The following NIBAN1 variants were observed in gnomAD, a reference collection of about 807,000 sequenced individuals.
NIBAN1 encodes protein Niban 1.
Under a neutral mutation model 75.1 loss-of-function variants are expected in NIBAN1, and 81 were observed. The ratio of observed to expected loss-of-function variants is 1.08; its 90% confidence interval spans 0.90 to 1.30. NIBAN1 has a LOEUF of 1.30. Among genes scored for constraint, NIBAN1 ranks in the 50% most tolerant of loss-of-function variants. NIBAN1 has a pLI of 0.00. For missense variants in NIBAN1, 1,133 were observed against 1,128.1 expected, an observed-to-expected ratio of 1.00 and a Z score of -0.06; for synonymous variants, 436 against 424.8, an observed-to-expected ratio of 1.03 and a Z score of -0.32.
intron 1 of NIBAN1, among the ~76,000 whole-genome samples, chr1:184,949,319 C>T (rs1557927236): frequency 6.6e-6 from 1 of 152,192 alleles, no homozygotes; most frequent in Non-Finnish European, 1.5e-5. Context: ...GATTGCACCA[C>T]TGCACTACAG....
At chr1:184,881,785 G>T (rs1656386054) in intron 5 of NIBAN1, among the ~76,000 whole-genome samples, 1 of 152,172 alleles carries the variant, frequency 6.6e-6, no homozygotes, top group Non-Finnish European at 1.5e-5. Context: ...TGGTGGGAGT[G>T]TAGCAGTGAG....
At chr1:184,804,303 G>C (rs889008544) in intron 11 of NIBAN1, among the ~76,000 whole-genome samples, 1 of 152,216 alleles carries the variant, frequency 6.6e-6, no homozygotes, top group African/African-American at 2.4e-5. Context: ...GTCAGGCCAA[G>C]TGAAGAATAG....
chr1:184,916,938 A>G (rs1657400085), intron 1 of NIBAN1, among the ~76,000 whole-genome samples: 1 of 152,092 alleles, frequency 6.6e-6, no homozygotes, highest in African/African-American at 2.4e-5. Context: ...CAGGACTCAT[A>G]GTTGATTCAC....
intron 12 of NIBAN1, among the ~76,000 whole-genome samples, chr1:184,798,956 C>T (rs904741207): frequency 1.3e-5 from 2 of 152,028 alleles, no homozygotes; most frequent in Non-Finnish European, 2.9e-5. Context: ...TATGGATAAA[C>T]AAAAATTGTT....
At chr1:184,894,277 T>C in intron 2 of NIBAN1, 71 bp from the exon 3 acceptor site, 1 of 1,454,904 alleles carries the variant, frequency 6.9e-7, no homozygotes, top group Non-Finnish European at 9.1e-7. Flanking sequence ...AAGTTATCCA[T>C]GCTATTTCAA....
Position 184,795,652 on chromosome 1 carries a change from A to G in NIBAN1, c.2112T>C (p.Thr704=). 1.2e-6 allele frequency: 2 copies of G among 1,614,214 alleles called. No individual in the cohort carries two copies. The highest frequency in any genetic ancestry group is 1.7e-6 in the Non-Finnish European group (2 of 1,180,036). ...TGAGCGCCTTCAAAGAACCCGAGGC[A>G]GTGATGGGTTCTGGCTCTTCCTGGG... ...EPAQEEPEPI[T]ASGSLKALRK... is the part of the protein sequence containing the mutation. The change falls in exon 14 of 14, where the codon ACT becomes ACC. Residue 704 remains threonine, a synonymous_variant. Transcript: ENST00000367511.
intron 1 of NIBAN1, among the ~76,000 whole-genome samples, chr1:184,935,844 C>T: frequency 6.7e-6 from 1 of 149,526 alleles, no homozygotes. Context: ...CAATCCTTTT[C>T]CAGGAACCTA....
At chr1:184,900,528 G>A (rs1019300059) in intron 1 of NIBAN1, among the ~76,000 whole-genome samples, 7 of 152,184 alleles carry the variant, frequency 4.6e-5, no homozygotes, top group Non-Finnish European at 8.8e-5. Flanking sequence ...TCTCAGCACC[G>A]AAAGTAAATC....
At chr1:184,826,461 C>A (rs1654843797) in intron 6 of NIBAN1, among the ~76,000 whole-genome samples, 1 of 152,168 alleles carries the variant, frequency 6.6e-6, no homozygotes, top group Admixed American at 6.5e-5. Context: ...AATTAATAAT[C>A]CACCAGCCCA....
At chr1:184,968,976 A>G (rs562112061) in intron 1 of NIBAN1, among the ~76,000 whole-genome samples, 141 of 152,298 alleles carry the variant, frequency 9.3e-4, no homozygotes, top group Non-Finnish European at 1.8e-3. Flanking sequence ...CATGGTTACA[A>G]TCCAGCCAGC....
intron 5 of NIBAN1, among the ~76,000 whole-genome samples, chr1:184,874,483 G>A (rs774639382): frequency 6.6e-6 from 1 of 151,700 alleles, no homozygotes; most frequent in Non-Finnish European, 1.5e-5. Flanking sequence ...AGCATTAATA[G>A]CAATAAAATG....
chr1:184,969,508 A>G (rs189665299), intron 1 of NIBAN1, among the ~76,000 whole-genome samples: 11 of 152,260 alleles, frequency 7.2e-5, no homozygotes, highest in Non-Finnish European at 1.3e-4. Context: ...GTCGCCTAGA[A>G]GCAGGTGGCA....
At chr1:184,887,275 A>G (rs780577166) in intron 4 of NIBAN1, among the ~76,000 whole-genome samples, 12 of 152,204 alleles carry the variant, frequency 7.9e-5, no homozygotes, top group African/African-American at 2.4e-4. Context: ...GACCTAGCAC[A>G]ATGCTGGGAA....
chr1:184,908,423 G>A (rs1557909877), intron 1 of NIBAN1, among the ~76,000 whole-genome samples: 1 of 152,122 alleles, frequency 6.6e-6, no homozygotes, highest in South Asian at 2.1e-4. Context: ...AAGAGAAATG[G>A]GAGAAGATGG....
intron 5 of NIBAN1, among the ~76,000 whole-genome samples, chr1:184,833,869 T>C (rs961276246): frequency 1.3e-5 from 2 of 151,594 alleles, no homozygotes; most frequent in East Asian, 1.9e-4. Context: ...TTTTTTTTTT[T>C]CGATTATACT....
At chr1:184,948,622 A>T (rs1221189726) in intron 1 of NIBAN1, among the ~76,000 whole-genome samples, 1 of 152,200 alleles carries the variant, frequency 6.6e-6, no homozygotes, top group Non-Finnish European at 1.5e-5. Context: ...AATGACCTAA[A>T]TGTCCAACAA....
At chr1:184,867,451 C>T (rs1655988647) in intron 5 of NIBAN1, among the ~76,000 whole-genome samples, 1 of 152,112 alleles carries the variant, frequency 6.6e-6, no homozygotes, top group Non-Finnish European at 1.5e-5. Flanking sequence ...TTGTTCTCAA[C>T]TTGAAAATAC....
chr1:184,938,859 A>AG (rs1658023767), intron 1 of NIBAN1, among the ~76,000 whole-genome samples: 1 of 152,244 alleles, frequency 6.6e-6, no homozygotes, highest in African/African-American at 2.4e-5. Context: ...TTGTATTACT[A>AG]GGGCTTGCTC....
At chr1:184,888,201 A>G (rs557516399) in intron 4 of NIBAN1, 5 of 152,344 alleles carry the variant, frequency 3.3e-5, no homozygotes, top group South Asian at 2.1e-4. Context: ...AAGAAAAAAG[A>G]AAAAGAAATG....
Sources: allele counts gnomAD v4.1 joint callset (sites outside exome capture counted in the v4.1 genomes callset), GRCh38; gene constraint gnomAD v4.1.1; transcripts MANE v1.5; gene names NCBI Gene and HGNC (gene_info 2026-07-23, HGNC 2026-07-21).